The following SKAP1 variants were observed in gnomAD, a reference collection of about 807,000 sequenced individuals.
The protein encoded by SKAP1 is src kinase associated phosphoprotein 1.
A neutral mutation model predicts 58.5 loss-of-function variants in SKAP1; 44 were observed. The ratio of observed to expected loss-of-function variants is 0.75; its 90% confidence interval spans 0.59 to 0.97. The LOEUF (loss-of-function observed/expected upper bound fraction) is 0.97, where lower values mean the gene tolerates loss of function less well. Ranked by LOEUF, SKAP1 falls within the 50% of genes least tolerant of loss-of-function variation. SKAP1 has a pLI of 0.00. For synonymous variants in SKAP1, 127 were observed against 149.7 expected (o/e 0.85, Z 1.11); for missense variants, 390 against 435.2 (o/e 0.90, Z 0.92).
chr17:48,185,476 C>A (rs961034438), intron 6 of SKAP1, among the ~76,000 whole-genome samples: 1 of 151,882 alleles, frequency 6.6e-6, no homozygotes, highest in Admixed American at 6.6e-5. Flanking sequence ...GGAAAAGGAC[C>A]ATAAGTGAAG....
intron 4 of SKAP1, among the ~76,000 whole-genome samples, chr17:48,322,222 G>A (rs1598566505): frequency 6.6e-6 from 1 of 152,078 alleles, no homozygotes; most frequent in Non-Finnish European, 1.5e-5. Flanking sequence ...CATTACTTTT[G>A]CACATAAATC....
intron 4 of SKAP1, among the ~76,000 whole-genome samples, chr17:48,277,323 A>T (rs1391535553): frequency 6.6e-6 from 1 of 152,212 alleles, no homozygotes; most frequent in African/African-American, 2.4e-5. Context: ...TTCATACCTA[A>T]TCTGTGCTTA....
At chr17:48,345,869 T>C (rs372564792) in intron 4 of SKAP1, 36 bp downstream of exon 4, 3 of 1,408,556 alleles carry the variant, frequency 2.1e-6, no homozygotes, top group Non-Finnish European at 3.0e-6. Flanking sequence ...TAATGAAGTA[T>C]GGTAGTCACC....
chr17:48,396,642 G>T, intron 2 of SKAP1, 38 bp downstream of exon 2: 1 of 1,293,208 alleles, frequency 7.7e-7, no homozygotes, highest in Non-Finnish European at 1.1e-6. Context: ...TTGTTTTAAA[G>T]CTTATGAAGA....
At chr17:48,239,841 A>G (rs2065225305) in intron 4 of SKAP1, among the ~76,000 whole-genome samples, 1 of 97,446 alleles carries the variant, frequency 1.0e-5, no homozygotes, top group African/African-American at 3.0e-5. Flanking sequence ...AGAGAGAGAG[A>G]GAGAGAGACA....
chr17:48,162,620 G>C (rs1363244850), intron 10 of SKAP1, 51 bp from the exon 11 acceptor site: 1 of 1,453,576 alleles, frequency 6.9e-7, no homozygotes, highest in Non-Finnish European at 9.6e-7. Flanking sequence ...TTTTTTCCGA[G>C]GTACCCATGT....
intron 4 of SKAP1, among the ~76,000 whole-genome samples, chr17:48,323,936 T>C (rs2066399541): frequency 6.6e-6 from 1 of 152,098 alleles, no homozygotes; most frequent in African/African-American, 2.4e-5. Context: ...TGCTGCTGTT[T>C]TGCTGTTTGC....
intron 4 of SKAP1, among the ~76,000 whole-genome samples, chr17:48,194,160 G>A (rs556375498): frequency 3.0e-4 from 46 of 152,264 alleles, no homozygotes; most frequent in African/African-American, 1.1e-3. Flanking sequence ...TCACTTAGCT[G>A]AAGGATATGG....
At chr17:48,155,553 C>T (rs2063964958) in intron 11 of SKAP1, among the ~76,000 whole-genome samples, 1 of 151,968 alleles carries the variant, frequency 6.6e-6, no homozygotes, top group South Asian at 2.1e-4. Context: ...TCTTTTTCTC[C>T]CACTTATAAC....
the SKAP1 span, among the ~76,000 whole-genome samples, chr17:48,437,434 T>A: frequency 6.6e-6 from 1 of 152,138 alleles, no homozygotes; most frequent in Non-Finnish European, 1.5e-5. Context: ...ATGTATATAG[T>A]ATATGCTCCA....
At chr17:48,205,346 A>C (rs899809966) in intron 4 of SKAP1, among the ~76,000 whole-genome samples, 1 of 151,982 alleles carries the variant, frequency 6.6e-6, no homozygotes, top group Non-Finnish European at 1.5e-5. Context: ...CCTGGGCTCA[A>C]GCAATTCACG....
intron 10 of SKAP1, 27 bp downstream of exon 10, chr17:48,170,582 T>A (rs765623133): frequency 3.2e-5 from 52 of 1,600,556 alleles, no homozygotes; most frequent in Non-Finnish European, 4.0e-5. Context: ...TCCTACCCAG[T>A]GCCTGTGCAT....
intron 4 of SKAP1, among the ~76,000 whole-genome samples, chr17:48,249,258 C>A (rs901442910): frequency 1.2e-4 from 19 of 152,104 alleles, no homozygotes; most frequent in Non-Finnish European, 2.6e-4. Flanking sequence ...TTTCAAAAAC[C>A]TAAAAAGGTG....
At chr17:48,184,666 A>C (rs1431227331) in intron 7 of SKAP1, 57 bp downstream of exon 7, 1 of 1,608,766 alleles carries the variant, frequency 6.2e-7, no homozygotes, top group African/African-American at 1.3e-5. Context: ...GCTCACATGC[A>C]ATACAGAAGG....
In SKAP1 at chr17:48,170,604, T is replaced by C. The variant is rs764300893; in HGVS notation, c.877+5A>G. 7.4e-6 allele frequency: 12 copies of C among 1,613,328 alleles called. No homozygotes were observed. The East Asian group carries it at 2.2e-4, about 30-fold the overall frequency. Reference sequence around the variant, plus strand: ...CAGTGCCTGTGCATTTAGAAGCTCTTATACCTCCTTTTCGTCGAGTGCCAC... The same window carrying C: ...CAGTGCCTGTGCATTTAGAAGCTCTCATACCTCCTTTTCGTCGAGTGCCAC... On this transcript the variant is annotated splice_donor_5th_base_variant and intron_variant, in intron 10 of 12. Coordinates refer to ENST00000336915, the MANE Select transcript of SKAP1 (RefSeq NM_003726.4).
At chr17:48,265,233 C>T (rs1260061183) in intron 4 of SKAP1, among the ~76,000 whole-genome samples, 1 of 152,024 alleles carries the variant, frequency 6.6e-6, no homozygotes, top group East Asian at 1.9e-4. Flanking sequence ...TGGCTGGGTG[C>T]GGTGGCTCAC....
intron 4 of SKAP1, among the ~76,000 whole-genome samples, chr17:48,315,115 A>G (rs1598556921): frequency 6.6e-6 from 1 of 152,310 alleles, no homozygotes; most frequent in Admixed American, 6.5e-5. Context: ...AGCAAAATAT[A>G]ACTAAAACAA....
At chr17:48,193,739 T>C in intron 4 of SKAP1, 2 of 984,504 alleles carry the variant, frequency 2.0e-6, no homozygotes, top group Non-Finnish European at 2.4e-6. Context: ...CATGGGGTGA[T>C]GAGGCAGGAA....
intron 11 of SKAP1, among the ~76,000 whole-genome samples, chr17:48,162,027 G>A (rs755848942): frequency 6.6e-6 from 1 of 151,924 alleles, no homozygotes; most frequent in African/African-American, 2.4e-5. Flanking sequence ...GTGCAGTGGC[G>A]TGATCTTAGC....
Sources: gnomAD v4.1 joint callset for allele counts (sites outside exome capture counted in the v4.1 genomes callset) on GRCh38, gnomAD v4.1.1 for gene constraint, MANE v1.5 for transcripts, NCBI Gene and HGNC (gene_info 2026-07-23, HGNC 2026-07-21) for gene names.